Variants in NALF1 observed in about 807,000 individuals in gnomAD.
NALF1 encodes family with sequence similarity 155 member A.
Under a neutral mutation model 48.4 loss-of-function variants are expected in NALF1, and 3 were observed. That is an observed-to-expected ratio of 0.06 (90% CI 0.03 to 0.16). The LOEUF (loss-of-function observed/expected upper bound fraction) is 0.16, where lower values mean the gene tolerates loss of function less well. Ranked by LOEUF, NALF1 falls within the 10% of genes least tolerant of loss-of-function variation. NALF1 has a pLI of 1.00. For synonymous variants in NALF1, 262 were observed against 245.7 expected, an observed-to-expected ratio of 1.07 and a Z score of -0.62; for missense variants, 526 against 571.5, an observed-to-expected ratio of 0.92 and a Z score of 0.81.
chr13:107,592,272 A>G (rs1404174188), intron 1 of NALF1, among the ~76,000 whole-genome samples: 2 of 151,902 alleles, frequency 1.3e-5, no homozygotes, highest in African/African-American at 2.4e-5. Flanking sequence ...TACTGGCAAA[A>G]CTAGTTAAAC....
At chr13:107,445,757 A>G (rs1015762780) in intron 1 of NALF1, among the ~76,000 whole-genome samples, 2 of 152,194 alleles carry the variant, frequency 1.3e-5, no homozygotes, top group Non-Finnish European at 2.9e-5. Flanking sequence ...TTTGATAGGT[A>G]CATAGTGATA....
chr13:107,686,091 G>A (rs190135539), intron 1 of NALF1, among the ~76,000 whole-genome samples: 17 of 152,322 alleles, frequency 1.1e-4, no homozygotes, highest in African/African-American at 4.1e-4. Context: ...GGGGGCCGGG[G>A]GCCAGCCTCT....
At chr13:107,737,419 T>C (rs567821400) in intron 1 of NALF1, among the ~76,000 whole-genome samples, 1 of 152,326 alleles carries the variant, frequency 6.6e-6, no homozygotes, top group South Asian at 2.1e-4. Flanking sequence ...TCAGATATTC[T>C]CACTTGAAAA....
intron 2 of NALF1, among the ~76,000 whole-genome samples, chr13:107,182,226 C>CTGTGTGTGTGTGTG (rs148923366): frequency 0.013 from 1,916 of 145,140 alleles, 40 homozygotes; most frequent in African/African-American, 0.047. Flanking sequence ...TTTATTTATG[C>CTGTGTGTGTGTGTG]TGTGTGTGTG....
At chr13:107,788,241 G>A (rs183986254) in intron 1 of NALF1, 2 of 152,120 alleles carry the variant, frequency 1.3e-5, no homozygotes, top group African/African-American at 4.8e-5. Context: ...CAGCCTCCCA[G>A]TTATTATCTG....
intron 1 of NALF1, among the ~76,000 whole-genome samples, chr13:107,567,526 C>A (rs1877851810): frequency 6.6e-6 from 1 of 152,194 alleles, no homozygotes; most frequent in South Asian, 2.1e-4. Context: ...CAGATGACTA[C>A]TCAGAGAAAT....
chr13:107,191,230 A>C lies in NALF1; in HGVS notation c.1087+19354T>G, dbSNP rs1879271673. On this transcript the variant is annotated intron_variant, in intron 2 of 2. Coordinates refer to ENST00000375915, the MANE Select transcript of NALF1 (RefSeq NM_001080396.3). ...CAAGAACCTATAAGGTTTCGACATA[A>C]TGGAAAGGACTCTGATAATGCTCAC... Among the ~76,000 whole-genome samples the C allele has an allele frequency of 2.0e-5, 3 of 152,096 alleles. No individual in the cohort carries two copies. The South Asian group carries it at 6.3e-4, about 32-fold the overall frequency.
chr13:107,634,383 T>G (rs1201549189), intron 1 of NALF1, among the ~76,000 whole-genome samples: 1 of 152,172 alleles, frequency 6.6e-6, no homozygotes, highest in Non-Finnish European at 1.5e-5. Flanking sequence ...GCTATGCATG[T>G]AACAAAATTG....
intron 1 of NALF1, among the ~76,000 whole-genome samples, chr13:107,380,996 G>T (rs1457883078): frequency 7.2e-6 from 1 of 139,352 alleles, no homozygotes; most frequent in East Asian, 2.1e-4. Context: ...AAAAAAAAAA[G>T]AATACATACA....
chr13:107,657,823 C>T (rs901696089), intron 1 of NALF1, among the ~76,000 whole-genome samples: 2 of 152,174 alleles, frequency 1.3e-5, no homozygotes, highest in African/African-American at 2.4e-5. Flanking sequence ...AGATTGCTCA[C>T]CCATTTACAT....
chr13:107,530,652 G>T (rs1473777389), intron 1 of NALF1, among the ~76,000 whole-genome samples: 1 of 152,036 alleles, frequency 6.6e-6, no homozygotes, highest in Non-Finnish European at 1.5e-5. Flanking sequence ...CAGCCCAGCA[G>T]GTACTACATG....
chr13:107,374,539 ATAATCAACATGGTAT>A (rs1476195450), intron 1 of NALF1, among the ~76,000 whole-genome samples: 1 of 152,076 alleles, frequency 6.6e-6, no homozygotes, highest in Non-Finnish European at 1.5e-5. Context: ...GACACATTTT[ATAATCAACATGGTAT>A]TGCTCACAGA....
intron 1 of NALF1, among the ~76,000 whole-genome samples, chr13:107,837,821 A>G (rs1241918773): frequency 1.3e-5 from 2 of 152,104 alleles, no homozygotes; most frequent in African/African-American, 4.8e-5. Flanking sequence ...TTCTGCAAAA[A>G]AGCCTGAAAT....
At chr13:107,215,391 C>A (rs1183315233) in intron 1 of NALF1, among the ~76,000 whole-genome samples, 1 of 151,754 alleles carries the variant, frequency 6.6e-6, no homozygotes, top group East Asian at 1.9e-4. Flanking sequence ...AGCTGAGAAT[C>A]CCTTGGTCAC....
At chr13:107,340,991 T>C (rs1882669352) in intron 1 of NALF1, among the ~76,000 whole-genome samples, 1 of 152,100 alleles carries the variant, frequency 6.6e-6, no homozygotes, top group Non-Finnish European at 1.5e-5. Context: ...TCAGAAAGAT[T>C]CAAGAAAAGT....
At chr13:107,800,666 CAT>C (rs1365844840) in intron 1 of NALF1, among the ~76,000 whole-genome samples, 11 of 144,894 alleles carry the variant, frequency 7.6e-5, no homozygotes, top group Non-Finnish European at 1.7e-4. Flanking sequence ...TATAATACAT[CAT>C]ATTGTATTTT....
chr13:107,822,777 GAT>G (rs1879396197), intron 1 of NALF1, among the ~76,000 whole-genome samples: 1 of 152,174 alleles, frequency 6.6e-6, no homozygotes, highest in Admixed American at 6.5e-5. Context: ...ATTCTGGAAA[GAT>G]ATGAAGATTT....
chr13:107,520,589 A>G (rs978580446), intron 1 of NALF1, among the ~76,000 whole-genome samples: 27 of 152,352 alleles, frequency 1.8e-4, no homozygotes, highest in African/African-American at 5.1e-4. Context: ...TGGCACCCAA[A>G]TAAGCTTTCT....
At chr13:107,568,188 C>T (rs1437115996) in intron 1 of NALF1, among the ~76,000 whole-genome samples, 2 of 152,086 alleles carry the variant, frequency 1.3e-5, no homozygotes, top group Admixed American at 1.3e-4. Flanking sequence ...ACCATGGTGC[C>T]CAGGCTGGTC....
Sources: gnomAD v4.1 joint callset for allele counts (sites outside exome capture counted in the v4.1 genomes callset) on GRCh38, gnomAD v4.1.1 for gene constraint, MANE v1.5 for transcripts, NCBI Gene and HGNC (gene_info 2026-07-23, HGNC 2026-07-21) for gene names.